Variants in RDH12 observed in about 807,000 individuals in gnomAD.
The protein encoded by RDH12 is retinol dehydrogenase 12.
Under a neutral mutation model 34.0 loss-of-function variants are expected in RDH12, and 21 were observed. The observed-to-expected ratio is 0.62, with a 90% confidence interval of 0.44 to 0.89. The LOEUF is 0.89. Ranked by LOEUF, RDH12 falls within the 40% of genes least tolerant of loss-of-function variation. The probability of loss-of-function intolerance (pLI) is 0.00; values close to 1 mark genes in which losing one functional copy is unlikely to be tolerated. For missense variants in RDH12, 394 were observed against 398.6 expected, an observed-to-expected ratio of 0.99 and a Z score of 0.10; for synonymous variants, 198 against 169.9, an observed-to-expected ratio of 1.17 and a Z score of -1.29.
chr14:67,702,353 G>A (rs188345028), intron 1 of RDH12, among the ~76,000 whole-genome samples: 1 of 152,078 alleles, frequency 6.6e-6, no homozygotes. Context: ...GAAATTTAAA[G>A]TTAAATACAT....
In RDH12 at chr14:67,720,890, A is replaced by T. The variant is rs1312300718; in HGVS notation, c.-232A>T. 6.6e-6 allele frequency: 1 copy of T among 152,236 alleles called. No individual in the cohort carries two copies. Among genetic ancestry groups the T allele is most frequent in the Admixed American group, 6.5e-5 (1 of 15,288 alleles). The allele number at this position is 152,236 out of a possible 1,614,324, so 9.4% of individuals were successfully genotyped here. On this transcript the variant is annotated 5_prime_UTR_variant, in exon 2 of 9. The change creates a new upstream start codon in the 5' untranslated region. Coordinates refer to ENST00000551171, the MANE Select transcript of RDH12 (RefSeq NM_152443.3). ...TTAAGGACTCTCTGCTTCCTGGACA[A>T]GCTCAAGCTAAGGTGAGTACCATCT...
At chr14:67,712,640 C>A (rs2038022735) in intron 1 of RDH12, among the ~76,000 whole-genome samples, 1 of 151,784 alleles carries the variant, frequency 6.6e-6, no homozygotes, top group Non-Finnish European at 1.5e-5. Context: ...TTTAAAAAAT[C>A]TTTTAAAATC....
Position 67,722,512 on chromosome 14 carries a change from A to C in RDH12, c.-131A>C. On this transcript the variant is annotated 5_prime_UTR_variant, in exon 3 of 9. Transcript: ENST00000551171. ...GCTCAGAGTCAGGCTGCTGCTCAGCACCCAGGACGGAGAGGAGCAGAGAAG... is the reference window on the plus strand; with the variant it reads ...GCTCAGAGTCAGGCTGCTGCTCAGCCCCCAGGACGGAGAGGAGCAGAGAAG... 1 of 808,798 alleles carries C rather than the reference A, an allele frequency of 1.2e-6. No homozygotes were observed. The allele number at this position is 808,798 out of a possible 1,614,324, so 50.1% of individuals were successfully genotyped here. A position where few individuals can be genotyped will look rare whatever the true frequency, so the allele number is the denominator to read the frequency against.
intron 1 of RDH12, among the ~76,000 whole-genome samples, chr14:67,705,673 A>G (rs904424138): frequency 6.6e-6 from 1 of 152,178 alleles, no homozygotes; most frequent in Non-Finnish European, 1.5e-5. Flanking sequence ...CATTGTTCTA[A>G]GGTTATTTAA....
intron 1 of RDH12, among the ~76,000 whole-genome samples, chr14:67,702,353 G>C (rs188345028): frequency 5.3e-4 from 81 of 152,194 alleles, no homozygotes; most frequent in African/African-American, 1.9e-3. Context: ...GAAATTTAAA[G>C]TTAAATACAT....
chr14:67,716,406 T>C (rs2038070181), intron 1 of RDH12, among the ~76,000 whole-genome samples: 1 of 152,156 alleles, frequency 6.6e-6, no homozygotes, highest in South Asian at 2.1e-4. Flanking sequence ...AAAAATTCCA[T>C]TTATGTTAGA....
intron 1 of RDH12, among the ~76,000 whole-genome samples, chr14:67,719,568 G>A (rs2038101223): frequency 6.6e-6 from 1 of 151,974 alleles, no homozygotes; most frequent in Admixed American, 6.6e-5. Context: ...TCAACCTCCT[G>A]GGCTCAAGTG....
chr14:67,712,959 T>C (rs2038026857), intron 1 of RDH12, among the ~76,000 whole-genome samples: 1 of 152,138 alleles, frequency 6.6e-6, no homozygotes, highest in Admixed American at 6.5e-5. Context: ...TGTGTGGGAA[T>C]TTAACCACTT....
intron 1 of RDH12, among the ~76,000 whole-genome samples, chr14:67,713,430 G>A (rs2038033124): frequency 6.8e-6 from 1 of 146,850 alleles, no homozygotes; most frequent in African/African-American, 2.5e-5. Flanking sequence ...AAAAAGAGGG[G>A]ATGTACAGCA....
At chr14:67,716,564 C>T (rs1158697960) in intron 1 of RDH12, among the ~76,000 whole-genome samples, 2 of 152,062 alleles carry the variant, frequency 1.3e-5, no homozygotes, top group African/African-American at 4.8e-5. Context: ...TTAATCTGAA[C>T]ATTTTCAAAC....
chr14:67,724,488 T>A lies in RDH12; in HGVS notation c.84T>A (p.Gly28=). The A allele has an allele frequency of 6.2e-7, 1 of 1,608,884 alleles. No homozygotes were observed. Among genetic ancestry groups the A allele is most frequent in the Non-Finnish European group, 8.5e-7 (1 of 1,177,260 alleles). ...VAPSIRKFFA[G]GVCRTNVQLP... is the part of the protein sequence containing the mutation. ...TTGCCGATAGGAAGTTCTTTGCTGGTGGAGTGTGTAGAACAAATGTGCAGC... is the reference window on the plus strand; with the variant it reads ...TTGCCGATAGGAAGTTCTTTGCTGGAGGAGTGTGTAGAACAAATGTGCAGC... The change falls in exon 4 of 9, where the codon GGT becomes GGA. Residue 28 remains glycine (G), a synonymous_variant. Coordinates refer to ENST00000551171, the MANE Select transcript of RDH12 (RefSeq NM_152443.3).
rs2038171993 is a variant in RDH12, at chr14:67,725,251, G to T, written c.340G>T (p.Ala114Ser). The T allele has an allele frequency of 3.1e-6, 5 of 1,613,128 alleles. No homozygotes were observed. Among genetic ancestry groups the T allele is most frequent in the Non-Finnish European group, 4.2e-6 (5 of 1,179,988 alleles). Residue 114 changes from alanine to serine, a missense_variant, in exon 5 of 9, where the codon GCA (alanine) becomes TCA (serine). Ala to Ser is a moderately conservative substitution (Grantham distance 99). Transcript: ENST00000551171. ...SIRAFAEGFL[A>S]EEKQLHILIN... Reference sequence around the variant, plus strand: ...CCGAGCCTTTGCTGAGGGCTTTCTGGCAGGTGAGGTCCTGATGGGTAGGTA... The same window carrying T: ...CCGAGCCTTTGCTGAGGGCTTTCTGTCAGGTGAGGTCCTGATGGGTAGGTA...
In RDH12 at chr14:67,721,871, G is replaced by T. The variant is rs953929388; in HGVS notation, c.-219-553G>T. On this transcript the variant is annotated intron_variant, in intron 2 of 8. Transcript: ENST00000551171. ...GAGGTTTAGTAACTTGCCCAGGGCC[G>T]TGGAGCTTTTAAATAGATTCAGCGC... 3.3e-5 allele frequency among the ~76,000 whole-genome samples: 5 copies of T among 152,116 alleles called. No homozygotes were observed. In the South Asian group the frequency reaches 8.3e-4, roughly 25 times the overall value.
At chr14:67,709,906 C>A (rs1189006405) in intron 1 of RDH12, among the ~76,000 whole-genome samples, 1 of 152,192 alleles carries the variant, frequency 6.6e-6, no homozygotes, top group Non-Finnish European at 1.5e-5. Context: ...TTAGGGCAAA[C>A]CTGCCTTCCA....
rs117364450 is a variant in RDH12 at position 67,724,645 on chromosome 14, A to T, written c.187+54A>T. 38,600 of 1,310,862 alleles carry T rather than the reference A, an allele frequency of 0.029. 747 individuals carry two copies. Among genetic ancestry groups the T allele is most frequent in the Middle Eastern group, 0.036 (194 of 5,434 alleles). 81.2% of individuals were successfully genotyped at this position (1,310,862 alleles called of 1,614,324 possible). On this transcript the variant is annotated intron_variant, in intron 4 of 8. Transcript: ENST00000551171. ...GGCCATGCCTCCCACCCTTCTTCCC[A>T]CTGGGGCCTCTGTCCATATTGCTTT... is the stretch of plus-strand genomic sequence containing the variant.
At chr14:67,726,425 G>C (rs1308608449) in intron 6 of RDH12, among the ~76,000 whole-genome samples, 1 of 152,218 alleles carries the variant, frequency 6.6e-6, no homozygotes, top group Non-Finnish European at 1.5e-5. Context: ...GCAGTACAAG[G>C]CTTGCCAGGC....
intron 1 of RDH12, among the ~76,000 whole-genome samples, chr14:67,710,407 TTTTG>T (rs781736622): frequency 6.6e-6 from 1 of 152,122 alleles, no homozygotes; most frequent in Admixed American, 6.5e-5. Flanking sequence ...AAGTTTTTGG[TTTTG>T]TTTGTTTTAT....
At chr14:67,719,111 G>A (rs1227597245) in intron 1 of RDH12, among the ~76,000 whole-genome samples, 1 of 152,176 alleles carries the variant, frequency 6.6e-6, no homozygotes, top group Non-Finnish European at 1.5e-5. Flanking sequence ...CCTCATATCG[G>A]AGTTATCCTT....
At chr14:67,727,220 A>T in intron 7 of RDH12, 30 bp downstream of exon 7, 1 of 1,582,506 alleles carries the variant, frequency 6.3e-7, no homozygotes, top group East Asian at 2.3e-5. Flanking sequence ...AATAGCAAAA[A>T]TGGTCCTCAG....
Sources: allele counts gnomAD v4.1 joint callset (sites outside exome capture counted in the v4.1 genomes callset), GRCh38; gene constraint gnomAD v4.1.1; transcripts MANE v1.5; gene names NCBI Gene and HGNC (gene_info 2026-07-23, HGNC 2026-07-21).